GCFC2: variants seen among roughly 807,000 people sequenced by gnomAD.
The protein encoded by GCFC2 is GC-rich sequence DNA-binding factor 2.
GCFC2 carries 102 observed loss-of-function variants against 99.4 expected under a neutral mutation model. That is an observed-to-expected ratio of 1.03 (90% CI 0.87 to 1.21). The LOEUF (loss-of-function observed/expected upper bound fraction) is 1.21. Among genes scored for constraint, GCFC2 ranks in the 50% most tolerant of loss-of-function variants. The probability of loss-of-function intolerance (pLI) is 0.00; values close to 1 mark genes in which losing one functional copy is unlikely to be tolerated. For synonymous variants in GCFC2, 338 were observed against 316.8 expected (o/e 1.07, Z -0.71); for missense variants, 973 against 920.9 (o/e 1.06, Z -0.73).
Position 75,685,358 on chromosome 2 carries a change from A to G in GCFC2, c.1690+2469T>C, listed in dbSNP as rs150579622. Among the ~76,000 whole-genome samples the G allele has an allele frequency of 9.7e-4, 148 of 152,208 alleles. 2 individuals carry two copies. Among genetic ancestry groups the G allele is most frequent in the African/African-American group, 2.6e-3 (109 of 41,512 alleles). On this transcript the variant is annotated intron_variant, in intron 11 of 16. Coordinates refer to ENST00000321027, the MANE Select transcript of GCFC2 (RefSeq NM_003203.5). The stretch of plus-strand genomic sequence containing the variant: ...CTCACTTGTTCTTGCTTTCCCTTTA[A>G]TTAGGCCTTATCTCTTATCAGCCTA...
chr2:75,679,511 T>C (rs1049525713), intron 12 of GCFC2, among the ~76,000 whole-genome samples: 1 of 152,252 alleles, frequency 6.6e-6, no homozygotes, highest in Non-Finnish European at 1.5e-5. Context: ...ATATGTCTTA[T>C]GTTCACTGAA....
At chr2:75,665,172 A>G (rs959608651) in intron 16 of GCFC2, among the ~76,000 whole-genome samples, 7 of 150,552 alleles carry the variant, frequency 4.6e-5, no homozygotes, top group African/African-American at 2.4e-5. Context: ...TTTTAAAGGG[A>G]CTTGGTCTTG....
intron 11 of GCFC2, 72 bp from the exon 12 acceptor site, chr2:75,680,386 G>T: frequency 1.6e-6 from 2 of 1,273,776 alleles, no homozygotes; most frequent in South Asian, 2.7e-5. Flanking sequence ...AAATAATCAA[G>T]ACCTTTAACA....
chr2:75,706,397 C>T, intron 2 of GCFC2, 126 bp downstream of exon 2: 1 of 629,720 alleles, frequency 1.6e-6, no homozygotes, highest in Non-Finnish European at 2.7e-6. Flanking sequence ...AATTTTGGCA[C>T]TCTGACAATC....
rs1482377922 is a variant in GCFC2 at position 75,663,742 on chromosome 2, C to T, written c.*924G>A. ...GGGCATGGTGGCGCATGCCTATAGT[C>T]CCAGCTACTTGGGAGGTTGAAGTGG... On this transcript the variant is annotated 3_prime_UTR_variant, in exon 17 of 17. Transcript: ENST00000321027. 1 of 152,248 alleles carries T rather than the reference C, an allele frequency of 6.6e-6. No homozygotes were observed. Among genetic ancestry groups the T allele is most frequent in the Non-Finnish European group, 1.5e-5 (1 of 68,204 alleles). 9.4% of individuals were successfully genotyped at this position (152,248 alleles called of 1,614,324 possible).
intron 7 of GCFC2, among the ~76,000 whole-genome samples, chr2:75,691,607 G>A (rs555188474): frequency 6.7e-4 from 102 of 152,040 alleles, no homozygotes; most frequent in African/African-American, 2.4e-3. Context: ...TTTATATAAT[G>A]AGATCTTAAA....
At chr2:75,687,596 T>A (rs767690221) in intron 11 of GCFC2, among the ~76,000 whole-genome samples, 3 of 152,158 alleles carry the variant, frequency 2.0e-5, no homozygotes, top group Non-Finnish European at 4.4e-5. Flanking sequence ...TGATGATACG[T>A]CAGATGAGGA....
intron 1 of GCFC2, among the ~76,000 whole-genome samples, chr2:75,707,471 C>G (rs972934688): frequency 1.3e-5 from 2 of 152,132 alleles, no homozygotes; most frequent in African/African-American, 4.8e-5. Context: ...CATAAGATTA[C>G]ATACTACTCA....
chr2:75,673,666 T>G, intron 12 of GCFC2, 146 bp from the exon 13 acceptor site: 1 of 603,794 alleles, frequency 1.7e-6, no homozygotes, highest in Admixed American at 3.1e-5. Flanking sequence ...AAAAAAAACC[T>G]TATTTATCCA....
intron 1 of GCFC2, among the ~76,000 whole-genome samples, chr2:75,709,501 G>T (rs13392017): frequency 0.03 from 4,607 of 152,190 alleles, 246 homozygotes; most frequent in African/African-American, 0.11. Flanking sequence ...CTAAAAAAGT[G>T]GAAATCAGAA....
At chr2:75,694,967 C>T (rs1680242824) in intron 5 of GCFC2, among the ~76,000 whole-genome samples, 1 of 152,024 alleles carries the variant, frequency 6.6e-6, no homozygotes, top group Admixed American at 6.6e-5. Context: ...TCTGTATATC[C>T]TTTCCACTGG....
chr2:75,710,511 C>T, intron 1 of GCFC2, 80 bp downstream of exon 1: 1 of 1,413,704 alleles, frequency 7.1e-7, no homozygotes, highest in Non-Finnish European at 9.2e-7. Context: ...ATAGAACCCC[C>T]AGAGAAGGAT....
At chr2:75,708,502 T>C (rs1440649934) in intron 1 of GCFC2, among the ~76,000 whole-genome samples, 2 of 30,980 alleles carry the variant, frequency 6.5e-5, no homozygotes, top group East Asian at 1.4e-3. Context: ...ATTTGGCAAC[T>C]TTTTTTTTTT....
intron 12 of GCFC2, among the ~76,000 whole-genome samples, chr2:75,674,354 G>T (rs554030794): frequency 6.6e-5 from 10 of 152,262 alleles, no homozygotes; most frequent in African/African-American, 2.4e-4. Flanking sequence ...GGAATTTTAA[G>T]GAGATGTTAC....
Position 75,663,098 on chromosome 2 carries a change from T to C in GCFC2, c.*1568A>G, listed in dbSNP as rs1467098051. The C allele has an allele frequency of 6.6e-6, 1 of 152,168 alleles. No individual in the cohort carries two copies. The highest frequency in any genetic ancestry group is 2.4e-5 in the African/African-American group (1 of 41,454). 9.4% of individuals were successfully genotyped at this position (152,168 alleles called of 1,614,324 possible). On this transcript the variant is annotated 3_prime_UTR_variant, in exon 17 of 17. Transcript: ENST00000321027. ...AGATGAGATTCTATCCTTGTATAATTTTGTTACTAATATAAACATCAAAAA... is the reference window on the plus strand; with the variant it reads ...AGATGAGATTCTATCCTTGTATAATCTTGTTACTAATATAAACATCAAAAA...
chr2:75,693,139 TA>T (rs1410168007), intron 6 of GCFC2, among the ~76,000 whole-genome samples: 1 of 152,170 alleles, frequency 6.6e-6, no homozygotes, highest in Non-Finnish European at 1.5e-5. Context: ...GTTTTAATTA[TA>T]AACAAAAAAT....
In GCFC2 at chr2:75,696,296, G is replaced by C. The variant is rs1191518509; in HGVS notation, c.737C>G (p.Ser246Cys). Residue 246 changes from serine (S) to cysteine (C), a missense_variant, in exon 5 of 17, where the codon TCC (serine) becomes TGC (cysteine). Ser to Cys is a moderately radical substitution (Grantham distance 112, BLOSUM62 -1). Coordinates refer to ENST00000321027, the MANE Select transcript of GCFC2 (RefSeq NM_003203.5). ...KIIEERDIDL[S>C]CGNGSSKVKK... The stretch of plus-strand genomic sequence containing the variant: ...CACTTTTGAAGATCCATTGCCACAG[G>C]AAAGATCTATGTCTCTTTCCTAAAA... 2 of 1,381,550 alleles carry C rather than the reference G, an allele frequency of 1.4e-6. No homozygotes were observed. Among genetic ancestry groups the C allele is most frequent in the Admixed American group, 3.4e-5 (2 of 58,964 alleles). 85.6% of individuals were successfully genotyped at this position (1,381,550 alleles called of 1,614,324 possible). A position where few individuals can be genotyped will look rare whatever the true frequency, so the allele number is the denominator to read the frequency against.
chr2:75,710,263 G>C (rs1209074562), intron 1 of GCFC2, among the ~76,000 whole-genome samples: 1 of 152,154 alleles, frequency 6.6e-6, no homozygotes, highest in African/African-American at 2.4e-5. Flanking sequence ...ATTGAACTTT[G>C]TTGTGACAGT....
intron 15 of GCFC2, among the ~76,000 whole-genome samples, chr2:75,667,738 T>C (rs1678910249): frequency 6.6e-6 from 1 of 152,246 alleles, no homozygotes; most frequent in South Asian, 2.1e-4. Flanking sequence ...GTCGATTTTC[T>C]TGGCCTGGTT....
Sources: gnomAD v4.1 joint callset for allele counts (sites outside exome capture counted in the v4.1 genomes callset) on GRCh38, gnomAD v4.1.1 for gene constraint, MANE v1.5 for transcripts, NCBI Gene and HGNC (gene_info 2026-07-23, HGNC 2026-07-21) for gene names.